Variants in LHX9 observed in about 807,000 individuals in gnomAD.
The protein encoded by LHX9 is LIM homeobox 9.
LHX9 carries 9 observed loss-of-function variants against 36.5 expected under a neutral mutation model. That is an observed-to-expected ratio of 0.25 (90% CI 0.15 to 0.43). LHX9 has a LOEUF of 0.43. Among genes scored for constraint, LHX9 ranks in the 20% least tolerant of loss-of-function variants. The probability of loss-of-function intolerance (pLI) is 1.00; values close to 1 mark genes in which losing one functional copy is unlikely to be tolerated. For synonymous variants in LHX9, 211 were observed against 212.1 expected, an observed-to-expected ratio of 0.99 and a Z score of 0.04; for missense variants, 464 against 526.4, an observed-to-expected ratio of 0.88 and a Z score of 1.16.
At chr1:197,919,906 G>A in intron 1 of LHX9, 66 bp from the exon 2 acceptor site, 2 of 1,554,528 alleles carry the variant, frequency 1.3e-6, no homozygotes, top group Non-Finnish European at 8.8e-7. Context: ...CTGCCTGGGG[G>A]AGAACCCCGC....
upstream of LHX9, chr1:197,916,759 A>G (rs1425816808): frequency 2.8e-6 from 2 of 702,986 alleles, no homozygotes; most frequent in South Asian, 1.5e-5. Flanking sequence ...AAGGTGAGGC[A>G]AAGAGATGAA....
In LHX9 at chr1:197,920,937, A is replaced by G. The variant is rs576889587; in HGVS notation, c.378-367A>G. On this transcript the variant is annotated intron_variant, in intron 2 of 4. Transcript: ENST00000367387. ...GGAATAATTATATCTTCTTTCATTC[A>G]TATGTTTTGTAATTGATTAAGTGTT... Among the ~76,000 whole-genome samples the G allele has an allele frequency of 1.5e-4, 23 of 152,186 alleles. 1 individual carries two copies. The South Asian group carries it at 2.7e-3, about 18-fold the overall frequency.
chr1:197,929,115 C>A lies in LHX9; in HGVS notation c.1050C>A (p.Ser350Arg). ...TTCCGGCCCCGCCCTCAGCAGACAG[C>A]GGAGCTCTCACTCCACCCGGCACTG... The part of the protein sequence containing the change: ...TSLPAPPSAD[S>R]GALTPPGTAT... Residue 350 changes from serine to arginine, a missense_variant, in exon 5 of 5, where the codon AGC becomes AGA. Physicochemically the swap from Ser to Arg is moderately radical, Grantham distance 110. Around this residue, in one of 5 missense-constraint regions of LHX9, gnomAD observed 102 missense variants for 97.0 expected, o/e 1.05. Coordinates refer to ENST00000367387, the MANE Select transcript of LHX9 (RefSeq NM_020204.3). 1.2e-6 allele frequency: 2 copies of A among 1,613,722 alleles called. No individual in the cohort carries two copies. Among genetic ancestry groups the A allele is most frequent in the Non-Finnish European group, 1.7e-6 (2 of 1,179,884 alleles).
chr1:197,925,565 A>G (rs1434880383), intron 3 of LHX9, among the ~76,000 whole-genome samples: 1 of 152,246 alleles, frequency 6.6e-6, no homozygotes. Flanking sequence ...TGGTTATGAA[A>G]TATGGCTGAG....
At chr1:197,912,784 T>C (rs1220251193), upstream of LHX9, 2 of 589,306 alleles carry the variant, frequency 3.4e-6, no homozygotes, top group Non-Finnish European at 6.0e-6. Flanking sequence ...TCTCTTTGAC[T>C]GTCTTTGACT....
chr1:197,931,901 C>A lies in LHX9; in HGVS notation c.*2642C>A. The A allele has an allele frequency of 6.5e-7, 1 of 1,544,060 alleles. No individual in the cohort carries two copies. Among genetic ancestry groups the A allele is most frequent in the South Asian group, 1.2e-5 (1 of 83,666 alleles). The stretch of plus-strand genomic sequence containing the variant: ...AGTTGCTCTGTAGTTAATAAATTGT[C>A]ACTATGATTTTTTTCAGGGAGAACA... On this transcript the variant is annotated 3_prime_UTR_variant, in exon 5 of 5. Coordinates refer to ENST00000367387, the MANE Select transcript of LHX9 (RefSeq NM_020204.3).
At chr1:197,918,183 G>A (rs745987970) in intron 1 of LHX9, 186 bp downstream of exon 1, 2 of 706,160 alleles carry the variant, frequency 2.8e-6, no homozygotes, top group Non-Finnish European at 5.1e-6. Context: ...TTTCTGAATC[G>A]AAATGTCTGC....
At chr1:197,922,742 T>A (rs1000709761) in intron 3 of LHX9, among the ~76,000 whole-genome samples, 6 of 152,100 alleles carry the variant, frequency 3.9e-5, no homozygotes, top group African/African-American at 1.4e-4. Flanking sequence ...GGGAGACCAT[T>A]CTGTTGGAAG....
At chr1:197,915,158 T>A (rs780654242), upstream of LHX9, among the ~76,000 whole-genome samples, 1 of 152,230 alleles carries the variant, frequency 6.6e-6, no homozygotes, top group Non-Finnish European at 1.5e-5. Flanking sequence ...CCAAACCTAA[T>A]TTCAAACACC....
At chr1:197,925,420 G>A (rs1557975757) in intron 3 of LHX9, among the ~76,000 whole-genome samples, 1 of 152,206 alleles carries the variant, frequency 6.6e-6, no homozygotes, top group African/African-American at 2.4e-5. Context: ...TCTGTCCCAA[G>A]TGTGAAATTC....
chr1:197,929,346 T>G lies in LHX9; in HGVS notation c.*87T>G. 8.4e-7 allele frequency: 1 copy of G among 1,195,080 alleles called. No homozygotes were observed. The highest frequency in any genetic ancestry group is 1.0e-6 in the Non-Finnish European group (1 of 962,044). 74.0% of individuals were successfully genotyped at this position (1,195,080 alleles called of 1,614,324 possible). The stretch of plus-strand genomic sequence containing the variant: ...TTATTATTTTATTATTTACAAGACT[T>G]TTTTTTTCTTCTAACCCACAAGATA... On this transcript the variant is annotated 3_prime_UTR_variant, in exon 5 of 5. Coordinates refer to ENST00000367387, the MANE Select transcript of LHX9 (RefSeq NM_020204.3).
At position 197,917,577 on chromosome 1, in the gene LHX9, G is replaced by T. The variant is rs1051505068; in HGVS notation, c.-247G>T. On this transcript the variant is annotated 5_prime_UTR_variant, in exon 1 of 5. Transcript: ENST00000367387. ...GCCTTCTACGCCTCTTTTTCCCTCC[G>T]CCCGAATTGTTTGTTTTCTGCACAT... The T allele has an allele frequency of 1.5e-5, 23 of 1,491,360 alleles. No homozygotes were observed. In the Middle Eastern group the frequency reaches 3.0e-3, roughly 193 times the overall value. The allele number at this position is 1,491,360 out of a possible 1,614,324, so 92.4% of individuals were successfully genotyped here.
intron 1 of LHX9, among the ~76,000 whole-genome samples, chr1:197,919,092 T>C (rs1659884271): frequency 6.6e-6 from 1 of 152,210 alleles, no homozygotes; most frequent in Admixed American, 6.5e-5. Context: ...GTGAGGGAAA[T>C]GTCCGGAGGT....
At chr1:197,927,536 C>G (rs1660179599) in intron 3 of LHX9, 55 bp from the exon 4 acceptor site, 2 of 1,460,906 alleles carry the variant, frequency 1.4e-6, no homozygotes, top group Admixed American at 1.7e-5. Context: ...GCCATCATGT[C>G]AGCTAATGCA....
In LHX9 at chr1:197,927,766, A is replaced by G; in HGVS notation, c.909A>G (p.Lys303=). The G allele has an allele frequency of 6.2e-7, 1 of 1,614,216 alleles. No homozygotes were observed. Among genetic ancestry groups the G allele is most frequent in the Non-Finnish European group, 8.5e-7 (1 of 1,180,040 alleles). ...AGGACCTCAAGCAGCTTGCCCAGAA[A>G]ACAGGTCTGACCAAAAGAGTTTTGC... is the stretch of plus-strand genomic sequence containing the variant. The part of the protein sequence containing the change: ...DAKDLKQLAQ[K]TGLTKRVLQV... The change falls in exon 4 of 5, where the codon AAA becomes AAG. Residue 303 remains lysine, a synonymous_variant. Coordinates refer to ENST00000367387, the MANE Select transcript of LHX9 (RefSeq NM_020204.3).
Position 197,929,375 on chromosome 1 carries a change from G to T in LHX9, c.*116G>T. On this transcript the variant is annotated 3_prime_UTR_variant, in exon 5 of 5. Transcript: ENST00000367387. ...TTTTCTTCTAACCCACAAGATATTT[G>T]GGGAATAAAAATAACAGCTTGGTGT... 1.7e-6 allele frequency: 2 copies of T among 1,189,280 alleles called. No homozygotes were observed. 73.7% of individuals were successfully genotyped at this position (1,189,280 alleles called of 1,614,324 possible).
chr1:197,930,139 T>C lies in LHX9; in HGVS notation c.*880T>C. On this transcript the variant is annotated 3_prime_UTR_variant, in exon 5 of 5. Transcript: ENST00000367387. ...GTTTTAAGAAGTAAAAAAATCAATA[T>C]AATTTAATTAATAGCTCTATTAATT... The C allele has an allele frequency of 1.3e-6, 1 of 785,100 alleles. No individual in the cohort carries two copies. Among genetic ancestry groups the C allele is most frequent in the Non-Finnish European group, 1.5e-6 (1 of 647,438 alleles). 48.6% of individuals were successfully genotyped at this position (785,100 alleles called of 1,614,324 possible). A position where few individuals can be genotyped will look rare whatever the true frequency, so the allele number is the denominator to read the frequency against.
At chr1:197,912,908 T>A, upstream of LHX9, 1 of 321,220 alleles carries the variant, frequency 3.1e-6, no homozygotes, top group Non-Finnish European at 5.7e-6. Flanking sequence ...GCTGGGGGTG[T>A]CTCTTTCTTG....
rs1003696109 is a variant in LHX9 at position 197,929,158 on chromosome 1, C to T, written c.1093C>T (p.Leu365=). ...CGGCACTGCGACCACTTTAACAGAC[C>T]TGACCAATCCCACTATCACTGTAGT... ...PPGTATTLTD[L]TNPTITVVTS... is the part of the protein sequence containing the mutation. The change falls in exon 5 of 5, where the codon CTG becomes TTG. Residue 365 remains leucine, a synonymous_variant. Transcript: ENST00000367387. The T allele has an allele frequency of 1.2e-6, 2 of 1,612,988 alleles. No homozygotes were observed. The highest frequency in any genetic ancestry group is 1.7e-5 in the Admixed American group (1 of 59,708).
Sources: gnomAD v4.1 joint callset for allele counts (sites outside exome capture counted in the v4.1 genomes callset) on GRCh38, gnomAD v4.1.1 for gene constraint, gnomAD v4.1.1 regional missense constraint, MANE v1.5 for transcripts, NCBI Gene and HGNC (gene_info 2026-07-23, HGNC 2026-07-21) for gene names.